Variants in ZNF28 observed in about 807,000 individuals in gnomAD.
ZNF28 encodes zinc finger protein KOX24.
A neutral mutation model predicts 7.2 loss-of-function variants in ZNF28; 5 were observed. The ratio of observed to expected loss-of-function variants is 0.70; its 90% CI spans 0.36 to 1.46. ZNF28 has a LOEUF of 1.46. Among genes scored for constraint, ZNF28 ranks in the 40% most tolerant of loss-of-function variants. The pLI, the probability that ZNF28 is intolerant of heterozygous loss-of-function variation, is 0.03. For missense variants in ZNF28, 879 were observed against 866.6 expected, an observed-to-expected ratio of 1.01 and a Z score of -0.18; for synonymous variants, 288 against 292.4, an observed-to-expected ratio of 0.99 and a Z score of 0.15.
At chr19:52,814,785 C>A (rs1195087524) in intron 2 of ZNF28, among the ~76,000 whole-genome samples, 4 of 145,170 alleles carry the variant, frequency 2.8e-5, no homozygotes, top group African/African-American at 1.1e-4. Context: ...TACTCAGGAG[C>A]CTGAGGCAGG....
intron 3 of ZNF28, among the ~76,000 whole-genome samples, chr19:52,804,340 G>T (rs2062909617): frequency 6.6e-6 from 1 of 152,094 alleles, no homozygotes; most frequent in Admixed American, 6.5e-5. Context: ...CTATCACCCA[G>T]GCTGGAGTGT....
At chr19:52,804,104 A>G (rs2062907061) in intron 3 of ZNF28, among the ~76,000 whole-genome samples, 1 of 152,194 alleles carries the variant, frequency 6.6e-6, no homozygotes, top group Non-Finnish European at 1.5e-5. Context: ...GCATTTATAG[A>G]GACATTAAAG....
rs1033114309 is a variant in ZNF28, at chr19:52,798,965, T to C, written c.*723A>G. 10 of 1,308,664 alleles carry C rather than the reference T, an allele frequency of 7.6e-6. No individual in the cohort carries two copies. The East Asian group carries it at 2.5e-4, about 32-fold the overall frequency. The allele number at this position is 1,308,664 out of a possible 1,614,324, so 81.1% of individuals were successfully genotyped here. On this transcript the variant is annotated 3_prime_UTR_variant, in exon 4 of 4. Transcript: ENST00000457749. ...TTTCTCTCCAGTGTGAATTCTAGTATGGTGTGCCAGGTGTGAATCACTCCC... is the reference window on the plus strand; with the variant it reads ...TTTCTCTCCAGTGTGAATTCTAGTACGGTGTGCCAGGTGTGAATCACTCCC...
Position 52,800,279 on chromosome 19 carries a change from T to C in ZNF28, c.1566A>G (p.Pro522=), listed in dbSNP as rs776112066. Residue 522 remains proline (P), a synonymous_variant, in exon 4 of 4, where the codon CCA becomes CCG. Transcript: ENST00000457749. ...EHQRVHTGEK[P]YMCNECGKVF... ...CCTTGCCACATTCATTACACATGTATGGTTTCTCTCCAGTATGAACTCTCT... is the reference window on the plus strand; with the variant it reads ...CCTTGCCACATTCATTACACATGTACGGTTTCTCTCCAGTATGAACTCTCT... 1 of 1,603,224 alleles carries C rather than the reference T, an allele frequency of 6.2e-7. No individual in the cohort carries two copies. Among genetic ancestry groups the C allele is most frequent in the Non-Finnish European group, 8.5e-7 (1 of 1,174,212 alleles).
chr19:52,813,403 T>TCAACAGTG (rs2063080411), intron 2 of ZNF28, among the ~76,000 whole-genome samples: 1 of 151,838 alleles, frequency 6.6e-6, no homozygotes, highest in South Asian at 2.1e-4. Context: ...TGGACACGTC[T>TCAACAGTG]CAACAGTGCA....
In ZNF28 at chr19:52,815,068, T is replaced by C. The variant is rs190912424; in HGVS notation, c.15+2876A>G. ...GTGTGTATATATGTATGTATATGTA[T>C]AGATATGTGTGTATGTGTGTGTATA... On this transcript the variant is annotated intron_variant, in intron 2 of 3. Transcript: ENST00000457749. Among the ~76,000 whole-genome samples the C allele has an allele frequency of 5.3e-5, 7 of 133,270 alleles. 2 individuals are homozygous for C. In the East Asian group the frequency reaches 8.1e-4, roughly 15 times the overall value. The allele number at this position is 133,270 out of a possible 152,430, so 87.4% of individuals were successfully genotyped here. A position where few individuals can be genotyped will look rare whatever the true frequency, so the allele number is the denominator to read the frequency against.
intron 2 of ZNF28, chr19:52,810,436 T>C (rs1301567743): frequency 4.4e-6 from 7 of 1,601,140 alleles, no homozygotes; most frequent in East Asian, 2.2e-5. Flanking sequence ...CCCAAAGGGT[T>C]TGCATATATA....
chr19:52,799,993 G>C lies in ZNF28; in HGVS notation c.1852C>G (p.Gln618Glu), dbSNP rs145963589. The change falls in exon 4 of 4, where the codon CAG (glutamine) becomes GAG (glutamate). Residue 618 changes from glutamine to glutamate, a missense_variant. By Grantham distance (29) the Gln-to-Glu change is conservative (BLOSUM62 2). This residue lies in a region of ZNF28 where 864 missense variants were observed against 830.2 expected (regional missense o/e 1.04). Coordinates refer to ENST00000457749, the MANE Select transcript of ZNF28 (RefSeq NM_006969.5). Reference protein sequence around the residue: ...KCNECGKTFRQTSSLIIHRRL... With the variant: ...KCNECGKTFRETSSLIIHRRL... Reference sequence around the variant, plus strand: ...CGATGGATTATAAGCGATGATGTCTGACGGAAGGTCTTGCCACACTCATTA... The same window carrying C: ...CGATGGATTATAAGCGATGATGTCTCACGGAAGGTCTTGCCACACTCATTA... 244 of 1,612,818 alleles carry C rather than the reference G, an allele frequency of 1.5e-4. 1 individual carries two copies. The African/African-American group carries it at 2.9e-3, about 19-fold the overall frequency.
chr19:52,808,118 T>C lies in ZNF28; in HGVS notation c.31A>G (p.Arg11Gly), dbSNP rs528748820. The C allele has an allele frequency of 3.1e-6, 5 of 1,613,264 alleles. No individual in the cohort carries two copies. Among genetic ancestry groups the C allele is most frequent in the Non-Finnish European group, 3.4e-6 (4 of 1,179,374 alleles). The change falls in exon 3 of 4, where the codon AGG becomes GGG. Residue 11 changes from arginine to glycine, a missense_variant. By Grantham distance (125) the Arg-to-Gly change is moderately radical. Coordinates refer to ENST00000457749, the MANE Select transcript of ZNF28 (RefSeq NM_006969.5). ...TGAGAGAATTCTATGGCCACGTCCCTGAATGTCAATAGACCCTGAAATGGA... is the reference window on the plus strand; with the variant it reads ...TGAGAGAATTCTATGGCCACGTCCCCGAATGTCAATAGACCCTGAAATGGA... MALPQGLLTF[R>G]DVAIEFSQEE...
chr19:52,806,066 TTAAAA>T (rs2062933301), intron 3 of ZNF28: 1 of 152,116 alleles, frequency 6.6e-6, no homozygotes, highest in South Asian at 2.1e-4. Context: ...TTTTTCATAT[TTAAAA>T]TAAAAGGCAT....
intron 2 of ZNF28, among the ~76,000 whole-genome samples, chr19:52,808,402 T>C (rs905333858): frequency 3.9e-5 from 6 of 152,178 alleles, no homozygotes; most frequent in Admixed American, 1.3e-4. Context: ...TTGAAACTTT[T>C]ATAGACACAC....
chr19:52,804,006 A>G (rs917351166), intron 3 of ZNF28, among the ~76,000 whole-genome samples: 2 of 152,186 alleles, frequency 1.3e-5, no homozygotes, highest in African/African-American at 4.8e-5. Flanking sequence ...GCTTTGGTAG[A>G]TGTGGTATTC....
At chr19:52,813,249 GAAAAAAAAA>G (rs71183837) in intron 2 of ZNF28, among the ~76,000 whole-genome samples, 6 of 62,988 alleles carry the variant, frequency 9.5e-5, no homozygotes, top group South Asian at 9.7e-4. Flanking sequence ...CTTGAATGGT[GAAAAAAAAA>G]AAAAAAAAAA....
intron 2 of ZNF28, among the ~76,000 whole-genome samples, chr19:52,812,380 T>C (rs1036516902): frequency 2.9e-5 from 4 of 139,534 alleles, no homozygotes; most frequent in East Asian, 2.0e-4. Context: ...TCTGTGTGGA[T>C]AGAAGTAGAC....
intron 1 of ZNF28, among the ~76,000 whole-genome samples, chr19:52,819,791 G>C: frequency 7.0e-6 from 1 of 143,650 alleles, no homozygotes; most frequent in Non-Finnish European, 1.5e-5. Context: ...TGATGAAATT[G>C]ACTCCCAACA....
intron 2 of ZNF28, among the ~76,000 whole-genome samples, chr19:52,808,999 T>C (rs1424599300): frequency 2.0e-5 from 3 of 152,194 alleles, no homozygotes; most frequent in Admixed American, 2.0e-4. Flanking sequence ...TGTGTGTATA[T>C]ATGTATTTGT....
chr19:52,817,493 A>C (rs2063141809), intron 2 of ZNF28, among the ~76,000 whole-genome samples: 1 of 152,220 alleles, frequency 6.6e-6, no homozygotes, highest in South Asian at 2.1e-4. Context: ...TTACCTAAAA[A>C]TGTGGTATAA....
rs1033568655 is a variant in ZNF28 at position 52,801,263 on chromosome 19, A to G, written c.582T>C (p.Asn194=). Residue 194 remains asparagine (N), a synonymous_variant, in exon 4 of 4, where the codon AAT becomes AAC. Coordinates refer to ENST00000457749, the MANE Select transcript of ZNF28 (RefSeq NM_006969.5). The part of the protein sequence containing the change: ...PKTHISNKYG[N]NSLHSSLLTQ... ...TGAGTAATGAAGAATGGAGGGAATT[A>G]TTTCCATACTTATTAGAAATATGGG... 1.9e-6 allele frequency: 3 copies of G among 1,613,976 alleles called. No individual in the cohort carries two copies. In the African/African-American group the frequency reaches 4.0e-5, roughly 22 times the overall value.
At chr19:52,821,212 G>A (rs1234376461) in intron 1 of ZNF28, among the ~76,000 whole-genome samples, 4 of 152,140 alleles carry the variant, frequency 2.6e-5, no homozygotes, top group Non-Finnish European at 5.9e-5. Context: ...CCGGGACTGG[G>A]GTCGCCGCGC....
Sources: allele counts gnomAD v4.1 joint callset (sites outside exome capture counted in the v4.1 genomes callset), GRCh38; gene constraint gnomAD v4.1.1; regional missense constraint gnomAD v4.1.1; transcripts MANE v1.5; gene names NCBI Gene and HGNC (gene_info 2026-07-23, HGNC 2026-07-21).